The following SLC39A6 variants were observed in gnomAD, a reference collection of about 807,000 sequenced individuals.
SLC39A6 encodes the protein solute carrier family 39 member 6.
Under a neutral mutation model 63.5 loss-of-function variants are expected in SLC39A6, and 51 were observed. The observed-to-expected ratio is 0.80, with a 90% CI of 0.64 to 1.01. The LOEUF (loss-of-function observed/expected upper bound fraction) is 1.01. Ranked by LOEUF, SLC39A6 falls within the 50% of genes least tolerant of loss-of-function variation. The pLI is 0.00. For missense variants in SLC39A6, 805 were observed against 927.8 expected (o/e 0.87, Z 1.72); for synonymous variants, 318 against 324.7 (o/e 0.98, Z 0.22).
Position 36,124,545 on chromosome 18 carries a change from A to T in SLC39A6, c.945T>A (p.Pro315=). Residue 315 remains proline (P), a synonymous_variant, in exon 3 of 10, where the codon CCT becomes CCA. Transcript: ENST00000269187. The part of the protein sequence containing the change: ...IHTSEKKAEI[P]PKTYSLQIAW... ...CTATTTGTAATGAATAGGTCTTTGG[A>T]GGGATTTCAGCCTTCTTTTCACTTG... is the stretch of plus-strand genomic sequence containing the variant. The T allele has an allele frequency of 1.3e-6, 2 of 1,566,860 alleles. No homozygotes were observed. The highest frequency in any genetic ancestry group is 1.7e-6 in the Non-Finnish European group (2 of 1,143,626).
chr18:36,119,932 T>C (rs1238997323), intron 5 of SLC39A6, among the ~76,000 whole-genome samples: 1 of 152,100 alleles, frequency 6.6e-6, no homozygotes, highest in African/African-American at 2.4e-5. Context: ...AAAGCTGTAT[T>C]TAGGTAAAAT....
At chr18:36,119,134 C>T (rs771161194) in intron 5 of SLC39A6, among the ~76,000 whole-genome samples, 20 of 152,270 alleles carry the variant, frequency 1.3e-4, no homozygotes, top group South Asian at 2.1e-4. Flanking sequence ...TGCCCTGTTA[C>T]GAGCTTGAAG....
rs79495436 is a variant in SLC39A6, at chr18:36,122,011, A to G, written c.1359+41T>C. 2,308 of 1,403,636 alleles carry G rather than the reference A, an allele frequency of 1.6e-3. 50 individuals carry two copies. In the African/African-American group the frequency reaches 0.029, roughly 18 times the overall value. The allele number at this position is 1,403,636 out of a possible 1,614,324, so 86.9% of individuals were successfully genotyped here. ...CTAGTTAGAGTACTACTATAAATAA[A>G]TATCTGAAGCATAGTAAGTACTCGG... On this transcript the variant is annotated intron_variant, in intron 5 of 9. Transcript: ENST00000269187.
chr18:36,125,343 C>CAAAA (rs1467585326), intron 2 of SLC39A6, among the ~76,000 whole-genome samples: 1 of 70,552 alleles, frequency 1.4e-5, no homozygotes, highest in Non-Finnish European at 3.1e-5. Context: ...CTCCCCCAGC[C>CAAAA]AAAAAAGAAA....
chr18:36,126,039 G>T (rs1201751729), intron 2 of SLC39A6, among the ~76,000 whole-genome samples, 180 bp downstream of exon 2: 1 of 152,224 alleles, frequency 6.6e-6, no homozygotes, highest in Non-Finnish European at 1.5e-5. Context: ...TCTGAATTGG[G>T]AATGTTTACA....
intron 9 of SLC39A6, among the ~76,000 whole-genome samples, chr18:36,110,254 T>C (rs1209901212): frequency 6.6e-6 from 1 of 152,156 alleles, no homozygotes; most frequent in Non-Finnish European, 1.5e-5. Flanking sequence ...ATTAATAAAC[T>C]AAGCATTCTG....
At chr18:36,113,130 T>TA (rs1315135614) in intron 7 of SLC39A6, among the ~76,000 whole-genome samples, 8 of 152,266 alleles carry the variant, frequency 5.3e-5, no homozygotes, top group African/African-American at 1.9e-4. Flanking sequence ...GGTTTCATTC[T>TA]GTTGGCCAGG....
At chr18:36,117,798 G>A (rs1785915) in intron 5 of SLC39A6, among the ~76,000 whole-genome samples, 2 of 151,702 alleles carry the variant, frequency 1.3e-5, no homozygotes, top group East Asian at 1.9e-4. Context: ...TTGGGAGGCC[G>A]AGGTGGGCGG....
At chr18:36,125,652 G>A (rs942498138) in intron 2 of SLC39A6, among the ~76,000 whole-genome samples, 5 of 151,688 alleles carry the variant, frequency 3.3e-5, no homozygotes, top group South Asian at 2.1e-4. Context: ...GGTGAATTAC[G>A]TACAGTCTGG....
chr18:36,126,531 T>G lies in SLC39A6; in HGVS notation c.477A>C (p.Arg159Ser). 2 of 1,614,256 alleles carry G rather than the reference T, an allele frequency of 1.2e-6. No homozygotes were observed. The highest frequency in any genetic ancestry group is 1.7e-6 in the Non-Finnish European group (2 of 1,180,038). Residue 159 changes from arginine (R) to serine (S), a missense_variant, in exon 2 of 10, where the codon AGA becomes AGC. Transcript: ENST00000269187. ...HDSDSSGKDP[R>S]NSQGKGAHRP... ...GGTGAGCTCCTTTCCCCTGGCTGTT[T>G]CTAGGATCTTTACCTGAACTATCTG...
Position 36,126,207 on chromosome 18 carries a change from C to T in SLC39A6, c.789+12G>A. 1 of 1,609,030 alleles carries T rather than the reference C, an allele frequency of 6.2e-7. No homozygotes were observed. The highest frequency in any genetic ancestry group is 1.3e-5 in the African/African-American group (1 of 74,906). ...ACAGGTATATTAAAATAATGAACAG[C>T]ACTCATCTTACCTCCTGAGGATTTT... On this transcript the variant is annotated intron_variant, in intron 2 of 9. Coordinates refer to ENST00000269187, the MANE Select transcript of SLC39A6 (RefSeq NM_012319.4).
At chr18:36,111,471 T>C (rs2089298957) in intron 8 of SLC39A6, among the ~76,000 whole-genome samples, 1 of 150,770 alleles carries the variant, frequency 6.6e-6, no homozygotes, top group Non-Finnish European at 1.5e-5. Context: ...TTCAACTTGA[T>C]GTACAAACTT....
At chr18:36,116,523 T>G (rs867582884) in intron 6 of SLC39A6, 151 bp downstream of exon 6, 3 of 590,386 alleles carry the variant, frequency 5.1e-6, no homozygotes, top group East Asian at 3.2e-5. Context: ...ACAAAAACAA[T>G]GTACTCACTG....
rs774992250 is a variant in SLC39A6, at chr18:36,114,169, C to T, written c.1771G>A (p.Gly591Ser). Residue 591 changes from glycine to serine, a missense_variant, in exon 7 of 10, where the codon GGC becomes AGC. Physicochemically the swap from Gly to Ser is moderately conservative, Grantham distance 56 (BLOSUM62 0). Around this residue, in one of 4 missense-constraint regions of SLC39A6, gnomAD observed 145 missense variants for 227.2 expected, o/e 0.64. Transcript: ENST00000269187. ...ACCATCCAGGCCAGAGTGGCGACGC[C>T]GGCATCTTTCAGCTCCTCCCGAGAG... ...RYSREELKDAGVATLAWMVIM... is the reference protein window; with the variant it reads ...RYSREELKDASVATLAWMVIM... 8.7e-6 allele frequency: 14 copies of T among 1,614,126 alleles called. No individual in the cohort carries two copies. Among genetic ancestry groups the T allele is most frequent in the South Asian group, 2.2e-5 (2 of 91,084 alleles).
At chr18:36,116,181 A>C (rs1430258005) in intron 6 of SLC39A6, among the ~76,000 whole-genome samples, 1 of 152,226 alleles carries the variant, frequency 6.6e-6, no homozygotes, top group Admixed American at 6.5e-5. Context: ...CTGTATCAGT[A>C]TAAATTTCCT....
chr18:36,120,328 G>A (rs1444611526), intron 5 of SLC39A6, among the ~76,000 whole-genome samples: 1 of 152,060 alleles, frequency 6.6e-6, no homozygotes, highest in East Asian at 1.9e-4. Context: ...AAGCAATTGC[G>A]TCAATGGGAA....
At position 36,122,277 on chromosome 18, in the gene SLC39A6, G is replaced by C; in HGVS notation, c.1141-7C>G. The C allele has an allele frequency of 6.3e-7, 1 of 1,589,586 alleles. No homozygotes were observed. Among genetic ancestry groups the C allele is most frequent in the African/African-American group, 1.4e-5 (1 of 73,964 alleles). On this transcript the variant is annotated splice_region_variant and splice_polypyrimidine_tract_variant and intron_variant, in intron 4 of 9. Coordinates refer to ENST00000269187, the MANE Select transcript of SLC39A6 (RefSeq NM_012319.4). The stretch of plus-strand genomic sequence containing the variant: ...GGTGGTGACTTGCATGAGACTGAAG[G>C]CAAAATAATTTGTTATTTATAAATT...
Position 36,114,093 on chromosome 18 carries a change from A to G in SLC39A6, c.1843+4T>C. On this transcript the variant is annotated splice_donor_region_variant and intron_variant, in intron 7 of 9. Coordinates refer to ENST00000269187, the MANE Select transcript of SLC39A6 (RefSeq NM_012319.4). ...CAACAAGGAACAAATATGTAGATAT[A>G]TACCAATTGCTAGGCCATCGCTGAA... 6.3e-7 allele frequency: 1 copy of G among 1,585,348 alleles called. No homozygotes were observed. The highest frequency in any genetic ancestry group is 1.3e-5 in the African/African-American group (1 of 74,310).
chr18:36,124,593 A>T lies in SLC39A6; in HGVS notation c.897T>A (p.Asp299Glu). Residue 299 changes from aspartate to glutamate, a missense_variant, in exon 3 of 10, where the codon GAT (aspartate) becomes GAA (glutamate). Coordinates refer to ENST00000269187, the MANE Select transcript of SLC39A6 (RefSeq NM_012319.4). ...TTGTATGAATCAGACAAGATCTAGC[A>T]TCAATTTGGTTGATGATGGCTGGAC... ...YLCPAIINQI[D>E]ARSCLIHTSE... The T allele has an allele frequency of 6.3e-7, 1 of 1,594,902 alleles. No homozygotes were observed. The highest frequency in any genetic ancestry group is 8.6e-7 in the Non-Finnish European group (1 of 1,164,756).
Sources: gnomAD v4.1 joint callset for allele counts (sites outside exome capture counted in the v4.1 genomes callset) on GRCh38, gnomAD v4.1.1 for gene constraint, gnomAD v4.1.1 regional missense constraint, MANE v1.5 for transcripts, NCBI Gene and HGNC (gene_info 2026-07-23, HGNC 2026-07-21) for gene names.